The following TOM1L2 variants were observed in gnomAD, a reference collection of about 807,000 sequenced individuals.
The protein encoded by TOM1L2 is TOM1-like protein 2.
Under a neutral mutation model 67.9 loss-of-function variants are expected in TOM1L2, and 31 were observed. The observed-to-expected ratio is 0.46, with a 90% CI of 0.34 to 0.62. The LOEUF (loss-of-function observed/expected upper bound fraction) is 0.62. Among genes scored for constraint, TOM1L2 ranks in the 20% least tolerant of loss-of-function variants. TOM1L2 has a pLI of 0.01. For missense variants in TOM1L2, 606 were observed against 663.5 expected, an observed-to-expected ratio of 0.91 and a Z score of 0.95; for synonymous variants, 256 against 254.0, an observed-to-expected ratio of 1.01 and a Z score of -0.07.
chr17:17,942,560 T>C (rs1475288909), intron 1 of TOM1L2, among the ~76,000 whole-genome samples: 2 of 152,244 alleles, frequency 1.3e-5, no homozygotes, highest in South Asian at 2.1e-4. Context: ...TGGGCCGATA[T>C]GTACACCTTC....
At chr17:17,885,446 C>G (rs1454759004) in intron 4 of TOM1L2, among the ~76,000 whole-genome samples, 1 of 152,190 alleles carries the variant, frequency 6.6e-6, no homozygotes, top group East Asian at 1.9e-4. Flanking sequence ...GGTCCTTTTC[C>G]CAGACCCAAG....
chr17:17,899,083 G>A (rs1001161991), intron 2 of TOM1L2, among the ~76,000 whole-genome samples: 2 of 152,230 alleles, frequency 1.3e-5, no homozygotes, highest in African/African-American at 2.4e-5. Flanking sequence ...CCCTAAGGAA[G>A]GGAACCAAAG....
chr17:17,872,770 C>T (rs2037217197), intron 7 of TOM1L2, among the ~76,000 whole-genome samples: 2 of 152,238 alleles, frequency 1.3e-5, no homozygotes, highest in Non-Finnish European at 2.9e-5. Flanking sequence ...GCTCAGGACC[C>T]ACCCCCTCCA....
At chr17:17,883,761 T>C (rs2037849659) in intron 5 of TOM1L2, among the ~76,000 whole-genome samples, 1 of 152,178 alleles carries the variant, frequency 6.6e-6, no homozygotes, top group South Asian at 2.1e-4. Flanking sequence ...CAATCCCTCA[T>C]GCTTGCCCTT....
intron 3 of TOM1L2, among the ~76,000 whole-genome samples, chr17:17,895,936 A>C (rs1483148096): frequency 6.6e-6 from 1 of 152,194 alleles, no homozygotes; most frequent in Non-Finnish European, 1.5e-5. Flanking sequence ...GCCAGCCAGA[A>C]TCGTTCCTTG....
intron 1 of TOM1L2, among the ~76,000 whole-genome samples, chr17:17,946,858 G>C: frequency 6.6e-6 from 1 of 152,106 alleles, no homozygotes; most frequent in East Asian, 1.9e-4. Flanking sequence ...CCAAGCAGCT[G>C]GGACTACAGG....
At position 17,933,715 on chromosome 17, in the gene TOM1L2, C is replaced by T. The variant is rs779426666; in HGVS notation, c.53-26184G>A. ...TTGTCTGATGGATATTTACTCTCAT[C>T]CTCTTTCCTTCCCCTACAAGTCACC... On this transcript the variant is annotated intron_variant, in intron 1 of 14. Coordinates refer to ENST00000379504, the MANE Select transcript of TOM1L2 (RefSeq NM_001082968.2). Among the ~76,000 whole-genome samples, 37 of 152,202 alleles carry T rather than the reference C, an allele frequency of 2.4e-4. 1 individual carries two copies. Among genetic ancestry groups the T allele is most frequent in the Admixed American group, 5.2e-4 (8 of 15,288 alleles).
intron 6 of TOM1L2, among the ~76,000 whole-genome samples, chr17:17,881,497 C>T (rs2037721015): frequency 6.6e-6 from 1 of 152,220 alleles, no homozygotes; most frequent in Non-Finnish European, 1.5e-5. Context: ...TGTCCAACTT[C>T]AAACATTTTC....
At chr17:17,953,923 G>C (rs759443246) in intron 1 of TOM1L2, among the ~76,000 whole-genome samples, 21 of 152,368 alleles carry the variant, frequency 1.4e-4, no homozygotes, top group East Asian at 3.8e-4. Flanking sequence ...GCCTTCCCTT[G>C]TACCCTGTAC....
intron 1 of TOM1L2, among the ~76,000 whole-genome samples, chr17:17,956,581 G>A (rs2041459361): frequency 6.6e-6 from 1 of 152,226 alleles, no homozygotes; most frequent in Non-Finnish European, 1.5e-5. Flanking sequence ...GGCCGCATAG[G>A]AGCCCACGGC....
At chr17:17,956,579 A>G (rs1598407032) in intron 1 of TOM1L2, among the ~76,000 whole-genome samples, 1 of 152,182 alleles carries the variant, frequency 6.6e-6, no homozygotes, top group East Asian at 1.9e-4. Context: ...CGGGCCGCAT[A>G]GGAGCCCACG....
chr17:17,878,698 C>T (rs1287275160), intron 7 of TOM1L2, among the ~76,000 whole-genome samples: 1 of 152,244 alleles, frequency 6.6e-6, no homozygotes, highest in Non-Finnish European at 1.5e-5. Flanking sequence ...ATGAGAAACT[C>T]ATGCCAGGTT....
At chr17:17,871,227 G>C (rs563559027) in intron 7 of TOM1L2, among the ~76,000 whole-genome samples, 1 of 151,968 alleles carries the variant, frequency 6.6e-6, no homozygotes, top group Non-Finnish European at 1.5e-5. Flanking sequence ...AAAATTAGCC[G>C]GGCGTTGGTG....
chr17:17,894,384 A>G (rs2038450797), intron 3 of TOM1L2, among the ~76,000 whole-genome samples: 1 of 152,216 alleles, frequency 6.6e-6, no homozygotes, highest in African/African-American at 2.4e-5. Flanking sequence ...AGGTGACTTT[A>G]ATGTCCATGT....
At chr17:17,848,042 G>A (rs948416053) in intron 14 of TOM1L2, among the ~76,000 whole-genome samples, 9 of 152,170 alleles carry the variant, frequency 5.9e-5, no homozygotes, top group African/African-American at 2.2e-4. Context: ...TTCCAGATCA[G>A]CACTGGGTTT....
chr17:17,912,277 C>T (rs1440163160), intron 1 of TOM1L2, among the ~76,000 whole-genome samples: 4 of 148,624 alleles, frequency 2.7e-5, no homozygotes, highest in Non-Finnish European at 4.5e-5. Context: ...GCTGGCCGGG[C>T]GGGGGGCTGA....
chr17:17,917,339 A>C (rs1301362988), intron 1 of TOM1L2, among the ~76,000 whole-genome samples: 7 of 151,944 alleles, frequency 4.6e-5, no homozygotes, highest in Admixed American at 3.3e-4. Flanking sequence ...ATCTCAAAAA[A>C]ATAAATAAAA....
intron 1 of TOM1L2, among the ~76,000 whole-genome samples, chr17:17,941,964 AC>A (rs2040752749): frequency 1.3e-5 from 2 of 152,214 alleles, no homozygotes; most frequent in Admixed American, 1.3e-4. Flanking sequence ...TCTCTAAAAT[AC>A]AAAAGTCTCA....
chr17:17,914,417 G>C (rs1409362270), intron 1 of TOM1L2, among the ~76,000 whole-genome samples: 1 of 152,116 alleles, frequency 6.6e-6, no homozygotes, highest in East Asian at 1.9e-4. Context: ...CCCTCCCTTG[G>C]GGGGCTCTGA....
Sources: gnomAD v4.1 joint callset for allele counts (sites outside exome capture counted in the v4.1 genomes callset) on GRCh38, gnomAD v4.1.1 for gene constraint, MANE v1.5 for transcripts, NCBI Gene and HGNC (gene_info 2026-07-23, HGNC 2026-07-21) for gene names.